Variants in PLEKHA5 observed in about 807,000 individuals in gnomAD.
The protein encoded by PLEKHA5 is pleckstrin homology domain containing A5, also known as pleckstrin homology domain-containing family A member 5.
In PLEKHA5, 55 loss-of-function variants were observed where a neutral mutation model predicts 181.9. That is an observed-to-expected ratio of 0.30 (90% CI 0.24 to 0.38). The LOEUF is 0.38. PLEKHA5 is among the 10% of genes least tolerant of loss of function. PLEKHA5 has a pLI of 1.00. For missense variants in PLEKHA5, 1,432 were observed against 1,549.5 expected (o/e 0.92, Z 1.27); for synonymous variants, 535 against 529.4 (o/e 1.01, Z -0.15).
At chr12:19,180,773 T>C (rs1428398994) in intron 3 of PLEKHA5, among the ~76,000 whole-genome samples, 1 of 148,318 alleles carries the variant, frequency 6.7e-6, no homozygotes, top group Non-Finnish European at 1.5e-5. Flanking sequence ...TTAAAAAATA[T>C]ATATCTTTGA....
chr12:19,362,921 C>A (rs1264288917), intron 29 of PLEKHA5, among the ~76,000 whole-genome samples: 1 of 142,784 alleles, frequency 7.0e-6, no homozygotes, highest in African/African-American at 2.5e-5. Context: ...GGATTCCGAA[C>A]CCATGGATCT....
intron 8 of PLEKHA5, among the ~76,000 whole-genome samples, chr12:19,266,361 C>G (rs2070408173): frequency 6.6e-6 from 1 of 150,992 alleles, no homozygotes; most frequent in African/African-American, 2.4e-5. Context: ...GGCATGGTGG[C>G]TAGTCCCAGC....
At chr12:19,135,568 T>C (rs890693998) in intron 3 of PLEKHA5, among the ~76,000 whole-genome samples, 3 of 152,200 alleles carry the variant, frequency 2.0e-5, no homozygotes, top group African/African-American at 7.2e-5. Flanking sequence ...GGATAGACAA[T>C]CACAGATAAG....
intron 3 of PLEKHA5, among the ~76,000 whole-genome samples, chr12:19,189,478 A>G (rs187477401): frequency 6.6e-6 from 1 of 152,042 alleles, no homozygotes; most frequent in Non-Finnish European, 1.5e-5. Context: ...AGCTGAGTGG[A>G]GAGTTCATGC....
intron 3 of PLEKHA5, chr12:19,207,607 A>G (rs368921651): frequency 6.6e-6 from 1 of 152,142 alleles, no homozygotes; most frequent in Non-Finnish European, 1.5e-5. Context: ...ACGTTTGGGG[A>G]ATAATAGACC....
intron 3 of PLEKHA5, among the ~76,000 whole-genome samples, chr12:19,227,892 A>G (rs2059915957): frequency 6.6e-6 from 1 of 152,208 alleles, no homozygotes; most frequent in African/African-American, 2.4e-5. Flanking sequence ...AAACAGTAAT[A>G]TAAGCTAAGT....
intron 3 of PLEKHA5, among the ~76,000 whole-genome samples, chr12:19,177,113 A>G (rs4567529): frequency 0.075 from 11,364 of 152,188 alleles, 455 homozygotes; most frequent in Middle Eastern, 0.11. Flanking sequence ...TGATCTACCC[A>G]TCTTGGCCTC....
At chr12:19,367,654 A>G (rs1202050221) in intron 30 of PLEKHA5, among the ~76,000 whole-genome samples, 3 of 151,582 alleles carry the variant, frequency 2.0e-5, no homozygotes, top group African/African-American at 7.3e-5. Context: ...ATCTCCACTC[A>G]CTGCAAGCTC....
At chr12:19,301,084 A>T (rs1470732536) in intron 15 of PLEKHA5, among the ~76,000 whole-genome samples, 1 of 152,010 alleles carries the variant, frequency 6.6e-6, no homozygotes, top group African/African-American at 2.4e-5. Context: ...CAGGAGGCGG[A>T]GGTCATGGTG....
At chr12:19,162,633 C>A (rs1435930311) in intron 3 of PLEKHA5, among the ~76,000 whole-genome samples, 1 of 150,990 alleles carries the variant, frequency 6.6e-6, no homozygotes, top group Non-Finnish European at 1.5e-5. Flanking sequence ...GACAGGCCAT[C>A]TTTCTTTTTA....
chr12:19,135,216 G>A (rs2035253967), intron 3 of PLEKHA5, among the ~76,000 whole-genome samples: 1 of 152,078 alleles, frequency 6.6e-6, no homozygotes, highest in Non-Finnish European at 1.5e-5. Flanking sequence ...AAAATGGCAG[G>A]TTACCAGAAA....
At chr12:19,334,829 A>AAAAAAAAAATATATATAT in intron 20 of PLEKHA5, among the ~76,000 whole-genome samples, 5 of 18,604 alleles carry the variant, frequency 2.7e-4, no homozygotes, top group Non-Finnish European at 7.2e-4. Context: ...AAAAAAAAAA[A>AAAAAAAAAATATATATAT]ATATATATAT....
intron 3 of PLEKHA5, among the ~76,000 whole-genome samples, chr12:19,178,646 T>A (rs2047852641): frequency 6.6e-6 from 1 of 152,228 alleles, no homozygotes; most frequent in Admixed American, 6.5e-5. Flanking sequence ...ATTTTTCTGG[T>A]TGATAGAGAT....
At chr12:19,223,980 G>A (rs1241451606) in intron 3 of PLEKHA5, among the ~76,000 whole-genome samples, 1 of 152,098 alleles carries the variant, frequency 6.6e-6, no homozygotes, top group Admixed American at 6.6e-5. Context: ...CATCCCTTAT[G>A]CTAATTAATG....
chr12:19,236,950 A>G (rs2152422066), intron 3 of PLEKHA5: 1 of 152,338 alleles, frequency 6.6e-6, no homozygotes, highest in Middle Eastern at 3.4e-3. Context: ...GCTCAAAGAC[A>G]AAGCAGTTGA....
intron 30 of PLEKHA5, 34 bp from the exon 31 acceptor site, chr12:19,369,638 CTCCAAATGTGTCTTAAAGATT>C: frequency 9.3e-7 from 1 of 1,080,626 alleles, no homozygotes; most frequent in Non-Finnish European, 1.4e-6. Flanking sequence ...GGATTTACTT[CTCCAAATGTGTCTTAAAGATT>C]TTTATCTTCT....
intron 3 of PLEKHA5, among the ~76,000 whole-genome samples, chr12:19,172,176 A>G (rs1591916531): frequency 6.6e-6 from 1 of 152,238 alleles, no homozygotes; most frequent in East Asian, 1.9e-4. Flanking sequence ...ATACTTTTAT[A>G]TGATTGGCAG....
chr12:19,278,635 G>C lies in PLEKHA5; in HGVS notation c.1313+3652G>C, dbSNP rs564991245. On this transcript the variant is annotated intron_variant, in intron 11 of 31. Coordinates refer to ENST00000429027, the MANE Select transcript of PLEKHA5 (RefSeq NM_001256470.2). ...CTGACATATTTGCACATAGTCATGG[G>C]ATTGCCAGCTCTGGATGTTTTCCAG... 1.3e-4 allele frequency among the ~76,000 whole-genome samples: 20 copies of C among 152,222 alleles called. No homozygotes were observed. In the South Asian group the frequency reaches 4.2e-3, roughly 32 times the overall value.
rs2033297221 is a variant in PLEKHA5 at position 19,130,485 on chromosome 12, A to C, written c.169+355A>C. Among the ~76,000 whole-genome samples the C allele has an allele frequency of 7.0e-6, 1 of 142,736 alleles. No individual in the cohort carries two copies. The highest frequency in any genetic ancestry group is 6.9e-5 in the Admixed American group (1 of 14,436). The allele number at this position is 142,736 out of a possible 152,430, so 93.6% of individuals were successfully genotyped here. ...AGTTTTTCCTCCGCGGCCGCTACTC[A>C]CTCCCCGGTGACCCCCAGCTGCCGT... On this transcript the variant is annotated intron_variant, in intron 2 of 31. Coordinates refer to ENST00000429027, the MANE Select transcript of PLEKHA5 (RefSeq NM_001256470.2). The surrounding 1 kb of genome is among the most constrained non-coding windows in gnomAD (Gnocchi z 4.5).
Sources: allele counts gnomAD v4.1 joint callset (sites outside exome capture counted in the v4.1 genomes callset), GRCh38; gene constraint gnomAD v4.1.1; non-coding constraint Gnocchi (gnomAD v3.1); transcripts MANE v1.5; gene names NCBI Gene and HGNC (gene_info 2026-07-23, HGNC 2026-07-21).